HECW2: variants seen among roughly 807,000 people sequenced by gnomAD.
The protein encoded by HECW2 is E3 ubiquitin-protein ligase HECW2.
A neutral mutation model predicts 175.2 loss-of-function variants in HECW2; 61 were observed. That is an observed-to-expected ratio of 0.35 (90% confidence interval 0.28 to 0.43). The LOEUF (loss-of-function observed/expected upper bound fraction) is 0.43. Among genes scored for constraint, HECW2 ranks in the 20% least tolerant of loss-of-function variants. HECW2 has a pLI of 1.00. For synonymous variants in HECW2, 671 were observed against 731.0 expected (o/e 0.92, Z 1.32); for missense variants, 1,524 against 2,000.5 (o/e 0.76, Z 4.54).
intron 1 of HECW2, among the ~76,000 whole-genome samples, chr2:196,515,554 CCATG>C (rs772614478): frequency 2.0e-5 from 3 of 152,164 alleles, no homozygotes; most frequent in Non-Finnish European, 4.4e-5. Flanking sequence ...TGCAGCAGGA[CCATG>C]TAACAACATG....
At chr2:196,203,677 C>A (rs1003636079) in intron 28 of HECW2, among the ~76,000 whole-genome samples, 1 of 152,034 alleles carries the variant, frequency 6.6e-6, no homozygotes, top group African/African-American at 2.4e-5. Context: ...CTCTCTTGCC[C>A]GATTAACTTT....
At chr2:196,243,338 T>A (rs1688533869) in intron 19 of HECW2, among the ~76,000 whole-genome samples, 1 of 151,796 alleles carries the variant, frequency 6.6e-6, no homozygotes, top group African/African-American at 2.4e-5. Context: ...CGACTAATTT[T>A]GTATTTTTAG....
intron 14 of HECW2, among the ~76,000 whole-genome samples, chr2:196,279,136 C>A (rs2105988685): frequency 6.6e-6 from 1 of 152,218 alleles, no homozygotes; most frequent in Non-Finnish European, 1.5e-5. Flanking sequence ...GCAAGCTCCA[C>A]CTCCCAGGTT....
At chr2:196,271,572 G>A (rs1689739808) in intron 16 of HECW2, among the ~76,000 whole-genome samples, 1 of 152,110 alleles carries the variant, frequency 6.6e-6, no homozygotes, top group African/African-American at 2.4e-5. Context: ...ACAGGTGTAA[G>A]CCACTGTGCC....
At chr2:196,265,370 G>C (rs1350019305) in intron 17 of HECW2, among the ~76,000 whole-genome samples, 2 of 152,010 alleles carry the variant, frequency 1.3e-5, no homozygotes, top group Admixed American at 6.6e-5. Flanking sequence ...CTGTAGTTCT[G>C]GCTACTCAGG....
rs141390959 is a variant in HECW2 at position 196,317,326 on chromosome 2, T to C, written c.2382A>G (p.Ser794=). ...NGHQPLRSLP[S]VRQDVSRYQR... is the part of the protein sequence containing the mutation. ...GGTACCGGCTAACATCCTGGCGCAC[T>C]GAAGGTAGTGATCGCAGTGGCTGGT... The change falls in exon 10 of 29, where the codon TCA becomes TCG. Residue 794 remains serine, a synonymous_variant. Coordinates refer to ENST00000644978, the MANE Select transcript of HECW2 (RefSeq NM_001348768.2). The C allele has an allele frequency of 2.5e-6, 4 of 1,613,518 alleles. No individual in the cohort carries two copies. The highest frequency in any genetic ancestry group is 3.4e-6 in the Non-Finnish European group (4 of 1,179,842).
At chr2:196,345,806 AACAAGGGTAT>A (rs1692936046) in intron 2 of HECW2, among the ~76,000 whole-genome samples, 1 of 152,226 alleles carries the variant, frequency 6.6e-6, no homozygotes, top group Non-Finnish European at 1.5e-5. Flanking sequence ...CAGGTTAGAC[AACAAGGGTAT>A]TTGCTTCACC....
At chr2:196,262,482 G>A (rs1223959123) in intron 17 of HECW2, among the ~76,000 whole-genome samples, 1 of 152,084 alleles carries the variant, frequency 6.6e-6, no homozygotes, top group Non-Finnish European at 1.5e-5. Context: ...GCACTTTTAT[G>A]GGTACACCTT....
chr2:196,366,539 TA>T (rs746877803), intron 2 of HECW2, among the ~76,000 whole-genome samples: 1 of 152,206 alleles, frequency 6.6e-6, no homozygotes, highest in African/African-American at 2.4e-5. Context: ...CAAATCAGAA[TA>T]AATGTAGTTC....
chr2:196,482,095 T>C (rs1686861595), intron 1 of HECW2, among the ~76,000 whole-genome samples: 1 of 152,240 alleles, frequency 6.6e-6, no homozygotes, highest in Non-Finnish European at 1.5e-5. Context: ...GTATAAATTT[T>C]TTCCTTTCTT....
At position 196,198,296 on chromosome 2, in the gene HECW2, C is replaced by T. The variant is rs1320529780; in HGVS notation, c.*2981G>A. The T allele has an allele frequency of 6.6e-6, 1 of 152,212 alleles. No individual in the cohort carries two copies. Among genetic ancestry groups the T allele is most frequent in the Non-Finnish European group, 1.5e-5 (1 of 68,042 alleles). The allele number at this position is 152,212 out of a possible 1,614,324, so 9.4% of individuals were successfully genotyped here. ...CTTGACCAGTATTGACATACTATTA[C>T]TTGCCATTGCTTCCCAATAGAAACA... On this transcript the variant is annotated 3_prime_UTR_variant, in exon 29 of 29. Coordinates refer to ENST00000644978, the MANE Select transcript of HECW2 (RefSeq NM_001348768.2).
intron 23 of HECW2, among the ~76,000 whole-genome samples, chr2:196,224,623 G>A (rs992347509): frequency 6.6e-6 from 1 of 152,164 alleles, no homozygotes; most frequent in East Asian, 1.9e-4. Flanking sequence ...GGTGCACAGT[G>A]TCAGAAGCAG....
At chr2:196,209,430 G>A (rs543955078) in intron 28 of HECW2, among the ~76,000 whole-genome samples, 19 of 152,290 alleles carry the variant, frequency 1.2e-4, no homozygotes, top group East Asian at 7.7e-4. Flanking sequence ...GTGATGTGAT[G>A]GGTTAACTCT....
intron 21 of HECW2, among the ~76,000 whole-genome samples, chr2:196,229,777 T>C (rs1051410386): frequency 1.3e-5 from 2 of 152,262 alleles, no homozygotes; most frequent in Non-Finnish European, 2.9e-5. Context: ...TATATCTGAA[T>C]ATATATGTAC....
At chr2:196,555,955 C>T (rs890602845) in intron 1 of HECW2, among the ~76,000 whole-genome samples, 6 of 152,216 alleles carry the variant, frequency 3.9e-5, no homozygotes, top group Admixed American at 3.9e-4. Flanking sequence ...TCCTCCACCA[C>T]GTCCTTATGT....
rs141834001 is a variant in HECW2, at chr2:196,574,841, G to A, written c.-36+18667C>T. ...ATAAAAAACAGACATATAGCCTAAC[G>A]GAACTGAATAAAAAGCCAAGAAATT... On this transcript the variant is annotated intron_variant, in intron 1 of 28. Coordinates refer to ENST00000644978, the MANE Select transcript of HECW2 (RefSeq NM_001348768.2). Among the ~76,000 whole-genome samples, 486 of 152,074 alleles carry A rather than the reference G, an allele frequency of 3.2e-3. 9 individuals carry two copies. Among genetic ancestry groups the A allele is most frequent in the East Asian group, 1.9e-3 (10 of 5,180 alleles).
Position 196,354,741 on chromosome 2 carries a change from G to A in HECW2, c.293-10977C>T, listed in dbSNP as rs577126514. On this transcript the variant is annotated intron_variant, in intron 2 of 28. Coordinates refer to ENST00000644978, the MANE Select transcript of HECW2 (RefSeq NM_001348768.2). ...TTATCAGGCGAATTCCACAAAACCA[G>A]CTTAAACTCTGGATCTTTATAATAA... is the stretch of plus-strand genomic sequence containing the variant. Among the ~76,000 whole-genome samples the A allele has an allele frequency of 2.0e-5, 3 of 151,548 alleles. No homozygotes were observed. The South Asian group carries it at 6.2e-4, about 32-fold the overall frequency.
intron 10 of HECW2, among the ~76,000 whole-genome samples, chr2:196,309,951 T>C (rs1365366049): frequency 6.6e-6 from 1 of 152,194 alleles, no homozygotes; most frequent in Admixed American, 6.5e-5. Flanking sequence ...TTCTCAAAGA[T>C]GGAATTTTTT....
intron 1 of HECW2, among the ~76,000 whole-genome samples, chr2:196,453,553 G>A (rs1017952241): frequency 5.3e-5 from 8 of 152,102 alleles, no homozygotes; most frequent in African/African-American, 1.7e-4. Flanking sequence ...AATTCTGACT[G>A]TCTGACAAAA....
Sources: gnomAD v4.1 joint callset for allele counts (sites outside exome capture counted in the v4.1 genomes callset) on GRCh38, gnomAD v4.1.1 for gene constraint, MANE v1.5 for transcripts, NCBI Gene and HGNC (gene_info 2026-07-23, HGNC 2026-07-21) for gene names.